SYN3: variants seen among roughly 807,000 people sequenced by gnomAD.
The protein encoded by SYN3 is synapsin III.
A neutral mutation model predicts 65.8 loss-of-function variants in SYN3; 35 were observed. The ratio of observed to expected loss-of-function variants is 0.53; its 90% CI spans 0.41 to 0.70. The LOEUF is 0.70. Among genes scored for constraint, SYN3 ranks in the 30% least tolerant of loss-of-function variants. SYN3 has a pLI of 0.00. For missense variants in SYN3, 680 were observed against 749.0 expected, an observed-to-expected ratio of 0.91 and a Z score of 1.08; for synonymous variants, 270 against 292.9, an observed-to-expected ratio of 0.92 and a Z score of 0.80.
intron 6 of SYN3, among the ~76,000 whole-genome samples, chr22:32,611,273 GT>G (rs1181036810): frequency 3.0e-4 from 35 of 117,430 alleles, no homozygotes; most frequent in African/African-American, 8.7e-4. Context: ...TTCAGCTAGA[GT>G]TTTTTTTTTG....
At chr22:32,886,802 T>A (rs1007692515) in intron 4 of SYN3, among the ~76,000 whole-genome samples, 1 of 152,230 alleles carries the variant, frequency 6.6e-6, no homozygotes. Flanking sequence ...CTCTTTTGTC[T>A]CTAGTCTTTT....
chr22:32,603,078 T>C (rs1409460428), intron 6 of SYN3, among the ~76,000 whole-genome samples: 1 of 151,846 alleles, frequency 6.6e-6, no homozygotes, highest in Non-Finnish European at 1.5e-5. Flanking sequence ...TGCCATGGCA[T>C]TGCATACGGG....
At chr22:32,734,347 G>A (rs112911533) in intron 6 of SYN3, among the ~76,000 whole-genome samples, 2 of 152,224 alleles carry the variant, frequency 1.3e-5, no homozygotes, top group East Asian at 1.9e-4. Flanking sequence ...CCAGGTGCAG[G>A]GGGGAGAGAG....
intron 3 of SYN3, among the ~76,000 whole-genome samples, chr22:32,940,758 A>G (rs879476160): frequency 1.3e-5 from 2 of 152,234 alleles, no homozygotes; most frequent in Non-Finnish European, 2.9e-5. Context: ...CAATTAATGT[A>G]GCTTTACAGT....
chr22:32,826,164 C>T (rs1401449322), intron 6 of SYN3, among the ~76,000 whole-genome samples: 2 of 152,130 alleles, frequency 1.3e-5, no homozygotes, highest in African/African-American at 2.4e-5. Flanking sequence ...TGTGGTGGCT[C>T]ACGCCTGTAA....
At chr22:32,594,015 C>T (rs1049283809) in intron 7 of SYN3, among the ~76,000 whole-genome samples, 1 of 151,964 alleles carries the variant, frequency 6.6e-6, no homozygotes, top group African/African-American at 2.4e-5. Flanking sequence ...AGGTGGATTC[C>T]AATAAGGACA....
At chr22:33,024,051 ACT>A (rs2053601393) in intron 1 of SYN3, among the ~76,000 whole-genome samples, 1 of 152,078 alleles carries the variant, frequency 6.6e-6, no homozygotes, top group African/African-American at 2.4e-5. Flanking sequence ...CAAGGAAGGC[ACT>A]CTCTCAATGA....
intron 3 of SYN3, among the ~76,000 whole-genome samples, chr22:32,945,078 G>C (rs1456924639): frequency 1.4e-4 from 22 of 152,172 alleles, no homozygotes; most frequent in Non-Finnish European, 2.4e-4. Context: ...CATGCTCATG[G>C]ATAGGAAGAA....
At chr22:32,808,289 G>A (rs9609637) in intron 6 of SYN3, among the ~76,000 whole-genome samples, 1 of 152,144 alleles carries the variant, frequency 6.6e-6, no homozygotes, top group East Asian at 1.9e-4. Context: ...AAAGCTGTCC[G>A]CTGGCCAGGC....
rs922362047 is a variant in SYN3, at chr22:32,801,854, GC to G, written c.711+63060del. On this transcript the variant is annotated intron_variant, in intron 6 of 13. Coordinates refer to ENST00000358763, the MANE Select transcript of SYN3 (RefSeq NM_003490.4). This position sits in a 1 kb window ranked among gnomAD's most constrained non-coding sequence, Gnocchi z 4.7. ...GCTGCGCCCCATCCCGTCCCGCCGG[GC>G]ACTCGGAGGGCAGCGCGCCGGAGGC... The G allele has an allele frequency of 6.3e-5, 65 of 1,031,846 alleles. No individual in the cohort carries two copies. The African/African-American group carries it at 1.0e-3, about 16-fold the overall frequency. 63.9% of individuals were successfully genotyped at this position (1,031,846 alleles called of 1,614,324 possible).
chr22:32,596,765 A>G, intron 6 of SYN3, 29 bp from the exon 7 acceptor site: 1 of 1,611,218 alleles, frequency 6.2e-7, no homozygotes, highest in Non-Finnish European at 8.5e-7. Context: ...AGTCACTCTT[A>G]ACATCTCAGA....
At chr22:32,595,543 A>G (rs1192391315) in intron 7 of SYN3, among the ~76,000 whole-genome samples, 1 of 152,134 alleles carries the variant, frequency 6.6e-6, no homozygotes, top group Non-Finnish European at 1.5e-5. Context: ...TTTGCAGTTA[A>G]CTGACTCTGG....
intron 7 of SYN3, among the ~76,000 whole-genome samples, chr22:32,567,416 G>C (rs1398736336): frequency 2.0e-5 from 3 of 146,900 alleles, no homozygotes; most frequent in African/African-American, 7.5e-5. Context: ...TGTATGCCAG[G>C]TACTCTGCTA....
chr22:32,508,857 A>T lies in SYN3; in HGVS notation c.*4835T>A, dbSNP rs1352740923. Among the ~76,000 whole-genome samples, 1 of 152,216 alleles carries T rather than the reference A, an allele frequency of 6.6e-6. No homozygotes were observed. The highest frequency in any genetic ancestry group is 2.4e-5 in the African/African-American group (1 of 41,464). Reference sequence around the variant, plus strand: ...CTTGACCCATGCACAAGATACCTGCACTAGCTTGCCAGATGAGAACTTCCA... The same window carrying T: ...CTTGACCCATGCACAAGATACCTGCTCTAGCTTGCCAGATGAGAACTTCCA... On this transcript the variant is annotated 3_prime_UTR_variant, in exon 14 of 14. Coordinates refer to ENST00000358763, the MANE Select transcript of SYN3 (RefSeq NM_003490.4).
chr22:32,869,331 T>TCC (rs2048779012), intron 4 of SYN3, among the ~76,000 whole-genome samples: 4 of 7,032 alleles, frequency 5.7e-4, no homozygotes, highest in East Asian at 1.3e-3. Flanking sequence ...CTATATATAT[T>TCC]CTCTCTCTCT....
chr22:32,520,571 T>C (rs1053104625), intron 12 of SYN3, among the ~76,000 whole-genome samples: 28 of 152,210 alleles, frequency 1.8e-4, no homozygotes, highest in African/African-American at 6.0e-4. Flanking sequence ...TTTTCCTTTA[T>C]GAAAACTACA....
intron 7 of SYN3, among the ~76,000 whole-genome samples, chr22:32,590,714 G>A (rs975117800): frequency 5.3e-5 from 8 of 152,018 alleles, no homozygotes; most frequent in Non-Finnish European, 8.8e-5. Context: ...GGCTATTCTC[G>A]TGGCTATAAA....
intron 4 of SYN3, among the ~76,000 whole-genome samples, chr22:32,918,935 A>C (rs2050261523): frequency 6.6e-6 from 1 of 152,170 alleles, no homozygotes; most frequent in Non-Finnish European, 1.5e-5. Context: ...TGCTTTGCCT[A>C]CACAGGTGGC....
Position 32,513,804 on chromosome 22 carries a change from T to A in SYN3, c.1631A>T (p.Asn544Ile). The change falls in exon 14 of 14, where the codon AAC becomes ATC. Residue 544 changes from asparagine (N) to isoleucine (I), a missense_variant. Coordinates refer to ENST00000358763, the MANE Select transcript of SYN3 (RefSeq NM_003490.4). ...PHLNKSQSLT[N>I]SLSTSDTSQR... Reference sequence around the variant, plus strand: ...GGAGGTGTCGGATGTGCTGAGGCTGTTAGTCAGGGACTGAGATTTGCTGAA... The same window carrying A: ...GGAGGTGTCGGATGTGCTGAGGCTGATAGTCAGGGACTGAGATTTGCTGAA... The A allele has an allele frequency of 6.2e-7, 1 of 1,614,170 alleles. No individual in the cohort carries two copies.
Sources: gnomAD v4.1 joint callset for allele counts (sites outside exome capture counted in the v4.1 genomes callset) on GRCh38, gnomAD v4.1.1 for gene constraint, Gnocchi (gnomAD v3.1) non-coding constraint, MANE v1.5 for transcripts, NCBI Gene and HGNC (gene_info 2026-07-23, HGNC 2026-07-21) for gene names.